CTNND2: variants seen among roughly 807,000 people sequenced by gnomAD.
CTNND2 encodes the protein catenin delta 2.
CTNND2 carries 22 observed loss-of-function variants against 144.4 expected under a neutral mutation model. That is an observed-to-expected ratio of 0.15 (90% CI 0.11 to 0.22). The LOEUF is 0.22. Ranked by LOEUF, CTNND2 falls within the 10% of genes least tolerant of loss-of-function variation. The pLI is 1.00. For synonymous variants in CTNND2, 751 were observed against 695.6 expected (o/e 1.08, Z -1.25); for missense variants, 1,353 against 1,618.8 (o/e 0.84, Z 2.82).
chr5:11,713,633 G>C (rs1786168779), intron 2 of CTNND2, among the ~76,000 whole-genome samples: 1 of 148,296 alleles, frequency 6.7e-6, no homozygotes, highest in African/African-American at 2.5e-5. Flanking sequence ...ATATATAAAG[G>C]ACAGTTTTTC....
intron 12 of CTNND2, among the ~76,000 whole-genome samples, chr5:11,122,920 C>G (rs1017522341): frequency 6.6e-6 from 1 of 152,010 alleles, no homozygotes; most frequent in Non-Finnish European, 1.5e-5. Flanking sequence ...CAGACCCGAC[C>G]CTGGGGATAC....
intron 5 of CTNND2, among the ~76,000 whole-genome samples, chr5:11,398,467 A>G (rs1760338084): frequency 6.6e-6 from 1 of 152,180 alleles, no homozygotes; most frequent in African/African-American, 2.4e-5. Context: ...TTGAAACAAC[A>G]TCAAGATATT....
intron 2 of CTNND2, among the ~76,000 whole-genome samples, chr5:11,670,095 T>C (rs1479370300): frequency 6.6e-6 from 1 of 152,240 alleles, no homozygotes; most frequent in Non-Finnish European, 1.5e-5. Context: ...TCTAATTTGA[T>C]TGCACTGCGG....
chr5:11,197,904 A>C (rs1737035741), intron 11 of CTNND2, among the ~76,000 whole-genome samples: 1 of 152,216 alleles, frequency 6.6e-6, no homozygotes, highest in South Asian at 2.1e-4. Context: ...AGCAAATTCA[A>C]ATTGTAGTCA....
At chr5:11,553,459 CAT>C (rs1258095396) in intron 3 of CTNND2, among the ~76,000 whole-genome samples, 5 of 152,182 alleles carry the variant, frequency 3.3e-5, no homozygotes, top group African/African-American at 7.2e-5. Flanking sequence ...GGAAAATACA[CAT>C]GATTCACTCA....
intron 1 of CTNND2, among the ~76,000 whole-genome samples, chr5:11,875,244 T>A (rs1319777179): frequency 6.6e-6 from 1 of 152,204 alleles, no homozygotes; most frequent in Non-Finnish European, 1.5e-5. Flanking sequence ...ACGTAGTTCT[T>A]CAACTTCAAA....
At chr5:11,213,417 A>G (rs1738843261) in intron 10 of CTNND2, among the ~76,000 whole-genome samples, 1 of 152,140 alleles carries the variant, frequency 6.6e-6, no homozygotes, top group Admixed American at 6.5e-5. Context: ...TCACATTTCT[A>G]TTGAACACAA....
chr5:11,031,688 C>T (rs762640144), intron 16 of CTNND2, among the ~76,000 whole-genome samples: 4 of 152,078 alleles, frequency 2.6e-5, no homozygotes, highest in Non-Finnish European at 5.9e-5. Context: ...GGGTGGGCAC[C>T]ATCCAGTCGG....
At position 11,649,675 on chromosome 5, in the gene CTNND2, G is replaced by T. The variant is rs932113987; in HGVS notation, c.174+82461C>A. On this transcript the variant is annotated intron_variant, in intron 2 of 21. Coordinates refer to ENST00000304623, the MANE Select transcript of CTNND2 (RefSeq NM_001332.4). Reference sequence around the variant, plus strand: ...ATTTGGGTTAAACACAGACAAATTTGGGGGGAACTGACACTGTTGAATACT... The same window carrying T: ...ATTTGGGTTAAACACAGACAAATTTTGGGGGAACTGACACTGTTGAATACT... 7.9e-5 allele frequency among the ~76,000 whole-genome samples: 12 copies of T among 152,150 alleles called. 1 individual carries two copies. Among genetic ancestry groups the T allele is most frequent in the African/African-American group, 2.9e-4 (12 of 41,420 alleles).
chr5:11,650,704 G>T (rs1782604432), intron 2 of CTNND2, among the ~76,000 whole-genome samples: 1 of 152,214 alleles, frequency 6.6e-6, no homozygotes, highest in African/African-American at 2.4e-5. Context: ...CTATGCTTTA[G>T]CAAAGAGACT....
At chr5:11,765,034 G>GCCCCCCCCCCCCC (rs35099305) in intron 1 of CTNND2, among the ~76,000 whole-genome samples, 2 of 143,930 alleles carry the variant, frequency 1.4e-5, no homozygotes, top group Non-Finnish European at 3.0e-5. Flanking sequence ...CATTAATCCT[G>GCCCCCCCCCCCCC]CCCCCCCCAC....
chr5:11,668,244 T>G (rs1783681859), intron 2 of CTNND2, among the ~76,000 whole-genome samples: 18 of 152,194 alleles, frequency 1.2e-4, no homozygotes, highest in Admixed American at 1.2e-3. Flanking sequence ...CTTGGCTATG[T>G]GGGCTCTTTT....
intron 12 of CTNND2, among the ~76,000 whole-genome samples, chr5:11,121,466 A>T (rs1331825575): frequency 6.6e-6 from 1 of 152,106 alleles, no homozygotes; most frequent in Non-Finnish European, 1.5e-5. Flanking sequence ...ATAATATCTC[A>T]TCCTTATTAG....
intron 2 of CTNND2, among the ~76,000 whole-genome samples, chr5:11,725,462 A>G (rs12332743): frequency 0.056 from 8,551 of 152,250 alleles, 815 homozygotes; most frequent in African/African-American, 0.2. Context: ...TCCTCGTTAA[A>G]TAAGAGACTG....
At chr5:11,658,204 T>C (rs1783013106) in intron 2 of CTNND2, among the ~76,000 whole-genome samples, 1 of 152,032 alleles carries the variant, frequency 6.6e-6, no homozygotes, top group Non-Finnish European at 1.5e-5. Flanking sequence ...TTTAACCAAG[T>C]AAGAATAAAA....
chr5:11,495,094 C>CG (rs1769805556), intron 3 of CTNND2, among the ~76,000 whole-genome samples: 1 of 152,130 alleles, frequency 6.6e-6, no homozygotes, highest in Admixed American at 6.5e-5. Context: ...AAGCCCCTTA[C>CG]GAAATCATTT....
At chr5:11,335,098 A>T (rs1296128227) in intron 9 of CTNND2, among the ~76,000 whole-genome samples, 1 of 152,184 alleles carries the variant, frequency 6.6e-6, no homozygotes, top group East Asian at 1.9e-4. Flanking sequence ...GCTAAAGCAC[A>T]CTTGGTTCAG....
intron 2 of CTNND2, among the ~76,000 whole-genome samples, chr5:11,727,508 G>A (rs368512081): frequency 1.3e-5 from 2 of 152,158 alleles, no homozygotes; most frequent in East Asian, 3.9e-4. Context: ...AAAAGTTAAA[G>A]GAAATGCATG....
At chr5:11,369,211 T>C (rs1757239868) in intron 7 of CTNND2, among the ~76,000 whole-genome samples, 1 of 152,220 alleles carries the variant, frequency 6.6e-6, no homozygotes. Flanking sequence ...TGAATGACGT[T>C]CATAAGGAAA....
Sources: allele counts gnomAD v4.1 joint callset (sites outside exome capture counted in the v4.1 genomes callset), GRCh38; gene constraint gnomAD v4.1.1; transcripts MANE v1.5; gene names NCBI Gene and HGNC (gene_info 2026-07-23, HGNC 2026-07-21).